The following ACTR3C variants were observed in gnomAD, a reference collection of about 807,000 sequenced individuals.
The protein encoded by ACTR3C is actin related protein 3C.
ACTR3C carries 18 observed loss-of-function variants against 26.3 expected under a neutral mutation model. The observed-to-expected ratio is 0.68, with a 90% CI of 0.47 to 1.01. The LOEUF (loss-of-function observed/expected upper bound fraction) is 1.01. Ranked by LOEUF, ACTR3C falls within the 50% of genes least tolerant of loss-of-function variation. The pLI, the probability that ACTR3C is intolerant of heterozygous loss-of-function variation, is 0.00. For synonymous variants in ACTR3C, 55 were observed against 94.5 expected, an observed-to-expected ratio of 0.58 and a Z score of 2.42; for missense variants, 184 against 250.7, an observed-to-expected ratio of 0.73 and a Z score of 1.80.
chr7:150,047,534 C>T, the ACTR3C span: 1 of 905,622 alleles, frequency 1.1e-6, no homozygotes. Flanking sequence ...CCACAGATGC[C>T]CCCGGCCGAC....
the ACTR3C span, among the ~76,000 whole-genome samples, chr7:150,182,902 ATTCT>A: frequency 6.6e-6 from 1 of 151,030 alleles, no homozygotes; most frequent in Non-Finnish European, 1.5e-5. Context: ...AAAAAATAAC[ATTCT>A]TTATCTTTTT....
chr7:149,959,075 C>A, the ACTR3C span, among the ~76,000 whole-genome samples: 1 of 152,232 alleles, frequency 6.6e-6, no homozygotes, highest in African/African-American at 2.4e-5. Flanking sequence ...AGCCATCCAC[C>A]TGATGCATGT....
chr7:150,182,479 C>A, the ACTR3C span, among the ~76,000 whole-genome samples: 7 of 150,868 alleles, frequency 4.6e-5, no homozygotes, highest in East Asian at 1.3e-3. Context: ...CCATTCCCTA[C>A]CTGTCTGTTG....
At chr7:150,160,442 GAACA>G in the ACTR3C span, among the ~76,000 whole-genome samples, 1 of 152,048 alleles carries the variant, frequency 6.6e-6, no homozygotes, top group African/African-American at 2.4e-5. Context: ...AACAGCACTA[GAACA>G]AAGAGAAATG....
chr7:149,919,959 T>C, the ACTR3C span, among the ~76,000 whole-genome samples: 2 of 114,288 alleles, frequency 1.7e-5, no homozygotes, highest in Non-Finnish European at 3.7e-5. Flanking sequence ...TCCCCCATGA[T>C]ATTGTTGACT....
chr7:150,289,730 T>C (rs1249324067), intron 3 of ACTR3C, 137 bp from the exon 4 acceptor site: 4 of 1,471,486 alleles, frequency 2.7e-6, no homozygotes. Context: ...ATCCCCACCC[T>C]CTGCAAGCTC....
the ACTR3C span, among the ~76,000 whole-genome samples, chr7:149,913,348 T>C: frequency 1.3e-5 from 2 of 152,176 alleles, no homozygotes; most frequent in African/African-American, 4.8e-5. Context: ...CTAGTAACAA[T>C]GTAGCAGGCA....
the ACTR3C span, among the ~76,000 whole-genome samples, chr7:150,035,723 T>A: frequency 1.0e-5 from 1 of 96,936 alleles, no homozygotes; most frequent in African/African-American, 4.0e-5. Flanking sequence ...GGGGTGAAGA[T>A]GGTCTGGCTC....
the ACTR3C span, among the ~76,000 whole-genome samples, chr7:149,994,195 C>T: frequency 6.6e-6 from 1 of 152,278 alleles, no homozygotes; most frequent in Non-Finnish European, 1.5e-5. Context: ...ATGTTTTTCA[C>T]ACTCAAGCCG....
intron 6 of ACTR3C, among the ~76,000 whole-genome samples, chr7:150,284,341 G>T (rs998258789): frequency 3.9e-5 from 6 of 152,172 alleles, no homozygotes; most frequent in African/African-American, 1.2e-4. Flanking sequence ...AGGAGTTCGA[G>T]ACCAGCCTGG....
the ACTR3C span, among the ~76,000 whole-genome samples, chr7:149,926,240 C>T: frequency 6.6e-6 from 1 of 152,130 alleles, no homozygotes; most frequent in Non-Finnish European, 1.5e-5. Context: ...AATATATTTG[C>T]AACGTATATC....
At chr7:150,149,263 T>C in the ACTR3C span, among the ~76,000 whole-genome samples, 1 of 151,950 alleles carries the variant, frequency 6.6e-6, no homozygotes, top group Non-Finnish European at 1.5e-5. Context: ...TTTTGTTCTA[T>C]GGGCTGAGAA....
chr7:150,039,094 C>T, the ACTR3C span, among the ~76,000 whole-genome samples: 1 of 149,668 alleles, frequency 6.7e-6, no homozygotes, highest in Non-Finnish European at 1.5e-5. Context: ...CTAACACCCA[C>T]AGTCCTCCAG....
the ACTR3C span, among the ~76,000 whole-genome samples, chr7:150,024,363 A>G: frequency 6.6e-6 from 1 of 151,918 alleles, no homozygotes; most frequent in Admixed American, 6.6e-5. Context: ...CACAGTCGTC[A>G]TGTCTCACAG....
chr7:150,068,013 A>C, the ACTR3C span, among the ~76,000 whole-genome samples: 3 of 152,214 alleles, frequency 2.0e-5, no homozygotes, highest in African/African-American at 7.2e-5. Flanking sequence ...AATATGTCAG[A>C]TTGCAAAGAA....
At chr7:150,227,706 T>G in the ACTR3C span, among the ~76,000 whole-genome samples, 5,754 of 145,880 alleles carry the variant, frequency 0.039, 302 homozygotes, top group African/African-American at 0.072. Flanking sequence ...TTTTTGTTTT[T>G]TTTTTTTGGT....
At chr7:150,264,100 G>A (rs1431931983) in intron 6 of ACTR3C, among the ~76,000 whole-genome samples, 1 of 152,302 alleles carries the variant, frequency 6.6e-6, no homozygotes, top group African/African-American at 2.4e-5. Flanking sequence ...CCCTAAAACA[G>A]AGCCAAGTCA....
At chr7:150,047,776 G>A in the ACTR3C span, 9 of 1,521,306 alleles carry the variant, frequency 5.9e-6, no homozygotes, top group Non-Finnish European at 7.9e-6. Flanking sequence ...CCGCCCAGGA[G>A]GTGACTCGCC....
the ACTR3C span, among the ~76,000 whole-genome samples, chr7:150,006,444 G>A: frequency 9.4e-5 from 14 of 148,514 alleles, no homozygotes; most frequent in East Asian, 2.0e-4. Context: ...TGATCCGCCC[G>A]CCTCGGCCTC....
Sources: gnomAD v4.1 joint callset for allele counts (sites outside exome capture counted in the v4.1 genomes callset) on GRCh38, gnomAD v4.1.1 for gene constraint, MANE v1.5 for transcripts, NCBI Gene and HGNC (gene_info 2026-07-23, HGNC 2026-07-21) for gene names.